The following JMJD1C variants were observed in gnomAD, a reference collection of about 807,000 sequenced individuals.
JMJD1C encodes jumonji domain containing 1C, also known as jumonji domain-containing protein 1C.
A neutral mutation model predicts 245.3 loss-of-function variants in JMJD1C; 31 were observed. The observed-to-expected ratio is 0.13, with a 90% CI of 0.09 to 0.17. The LOEUF (loss-of-function observed/expected upper bound fraction) is 0.17. Among genes scored for constraint, JMJD1C ranks in the 10% least tolerant of loss-of-function variants. The pLI is 1.00. For missense variants in JMJD1C, 2,691 were observed against 3,000.2 expected, an observed-to-expected ratio of 0.90 and a Z score of 2.41; for synonymous variants, 1,057 against 1,017.4, an observed-to-expected ratio of 1.04 and a Z score of -0.74.
chr10:63,222,228 T>G (rs1032300179), intron 3 of JMJD1C: 6 of 777,056 alleles, frequency 7.7e-6, no homozygotes, highest in South Asian at 1.3e-5. Flanking sequence ...TATAGGGGGG[T>G]TCAAAAGCAT....
intron 3 of JMJD1C, among the ~76,000 whole-genome samples, chr10:63,237,594 T>C (rs148514451): frequency 1.1e-3 from 173 of 152,276 alleles, no homozygotes; most frequent in African/African-American, 4.1e-3. Flanking sequence ...CCTATTTGAG[T>C]CCATCCACTT....
chr10:63,363,052 C>A (rs1945525420), intron 2 of JMJD1C, among the ~76,000 whole-genome samples: 1 of 151,894 alleles, frequency 6.6e-6, no homozygotes, highest in Non-Finnish European at 1.5e-5. Flanking sequence ...ATAAATGGGG[C>A]TGAAAGAACC....
At chr10:63,460,840 G>A (rs1433097944) in intron 1 of JMJD1C, among the ~76,000 whole-genome samples, 2 of 151,892 alleles carry the variant, frequency 1.3e-5, no homozygotes, top group Non-Finnish European at 2.9e-5. Context: ...AAGACGATAA[G>A]GTTTCACATG....
At chr10:63,171,774 G>A (rs1842393074) in intron 24 of JMJD1C, among the ~76,000 whole-genome samples, 1 of 152,162 alleles carries the variant, frequency 6.6e-6, no homozygotes, top group South Asian at 2.1e-4. Context: ...ATGCTGAAGT[G>A]TCAGAATACT....
At chr10:63,168,998 G>T (rs1217908771) in intron 24 of JMJD1C, among the ~76,000 whole-genome samples, 1 of 152,124 alleles carries the variant, frequency 6.6e-6, no homozygotes, top group Non-Finnish European at 1.5e-5. Context: ...TCTTACATCA[G>T]AGAATAAAGA....
At chr10:63,323,445 A>T (rs950387586) in intron 2 of JMJD1C, among the ~76,000 whole-genome samples, 1 of 151,948 alleles carries the variant, frequency 6.6e-6, no homozygotes, top group African/African-American at 2.4e-5. Flanking sequence ...ACTTGAACCC[A>T]GGAGGCTGAG....
intron 1 of JMJD1C, chr10:63,427,853 A>T (rs891157422): frequency 2.2e-6 from 2 of 929,740 alleles, no homozygotes; most frequent in Middle Eastern, 2.1e-4. Context: ...AAGGAAGCCA[A>T]GGAGCAGGCA....
intron 22 of JMJD1C, among the ~76,000 whole-genome samples, chr10:63,179,207 C>T (rs1843181528): frequency 6.6e-6 from 1 of 151,522 alleles, no homozygotes; most frequent in Non-Finnish European, 1.5e-5. Context: ...GTCAGGAGTT[C>T]GAGACTAGCC....
rs550348958 is a variant in JMJD1C at position 63,378,487 on chromosome 10, G to A, written c.333+1831C>T. On this transcript the variant is annotated intron_variant, in intron 2 of 25. Coordinates refer to ENST00000399262, the MANE Select transcript of JMJD1C (RefSeq NM_032776.3). The stretch of plus-strand genomic sequence containing the variant: ...GGCGCCTGTAGTCCCAGCTACTCCG[G>A]AGGCTGAGGCAGGAGAACTGCGTGA... Among the ~76,000 whole-genome samples, 7 of 152,198 alleles carry A rather than the reference G, an allele frequency of 4.6e-5. No homozygotes were observed. In the South Asian group the frequency reaches 1.5e-3, roughly 32 times the overall value.
At chr10:63,293,934 C>T (rs555710047) in intron 2 of JMJD1C, among the ~76,000 whole-genome samples, 1 of 152,292 alleles carries the variant, frequency 6.6e-6, no homozygotes, top group African/African-American at 2.4e-5. Flanking sequence ...ACTGTCACAT[C>T]TAGGTCCTTT....
chr10:63,352,910 A>G (rs1340332149), intron 2 of JMJD1C, among the ~76,000 whole-genome samples: 1 of 152,098 alleles, frequency 6.6e-6, no homozygotes, highest in Non-Finnish European at 1.5e-5. Flanking sequence ...ATTTGGTAAA[A>G]GTAGGCTGGT....
chr10:63,244,429 A>G (rs1851905438), intron 3 of JMJD1C, among the ~76,000 whole-genome samples: 1 of 152,176 alleles, frequency 6.6e-6, no homozygotes, highest in African/African-American at 2.4e-5. Flanking sequence ...AGTCTAAGCA[A>G]AAATATCTAA....
intron 2 of JMJD1C, among the ~76,000 whole-genome samples, chr10:63,278,840 CAAAA>C (rs113538798): frequency 3.6e-5 from 3 of 83,770 alleles, no homozygotes; most frequent in African/African-American, 3.3e-5. Flanking sequence ...ACTCCCATCT[CAAAA>C]AAAAAAAAAA....
At chr10:63,289,586 TGA>T (rs1436152022) in intron 2 of JMJD1C, among the ~76,000 whole-genome samples, 1 of 152,212 alleles carries the variant, frequency 6.6e-6, no homozygotes, top group Non-Finnish European at 1.5e-5. Context: ...AAGCTCTACT[TGA>T]TTGTTTGCAT....
At chr10:63,460,149 T>A (rs1438633181) in intron 1 of JMJD1C, among the ~76,000 whole-genome samples, 1 of 152,014 alleles carries the variant, frequency 6.6e-6, no homozygotes, top group African/African-American at 2.4e-5. Flanking sequence ...CACAATTGGA[T>A]AAAAGATAGA....
chr10:63,349,933 G>A (rs1224735430), intron 2 of JMJD1C, among the ~76,000 whole-genome samples: 1 of 152,042 alleles, frequency 6.6e-6, no homozygotes, highest in Non-Finnish European at 1.5e-5. Flanking sequence ...AAACTTTAGG[G>A]TTTTTAAAAA....
chr10:63,232,932 T>C (rs1850196089), intron 3 of JMJD1C, among the ~76,000 whole-genome samples: 1 of 152,192 alleles, frequency 6.6e-6, no homozygotes, highest in Non-Finnish European at 1.5e-5. Context: ...AAATTTTTCC[T>C]CTGTTCAAAT....
At chr10:63,458,833 C>T (rs1359115089) in intron 1 of JMJD1C, among the ~76,000 whole-genome samples, 3 of 151,864 alleles carry the variant, frequency 2.0e-5, no homozygotes, top group Non-Finnish European at 4.4e-5. Context: ...AAGCCATCCT[C>T]CCACCTCAGT....
chr10:63,454,203 A>G (rs549075864), intron 1 of JMJD1C, among the ~76,000 whole-genome samples: 21 of 152,284 alleles, frequency 1.4e-4, no homozygotes, highest in Admixed American at 7.2e-4. Flanking sequence ...GATATTAACC[A>G]TATGTGTCAA....
Sources: gnomAD v4.1 joint callset for allele counts (sites outside exome capture counted in the v4.1 genomes callset) on GRCh38, gnomAD v4.1.1 for gene constraint, MANE v1.5 for transcripts, NCBI Gene and HGNC (gene_info 2026-07-23, HGNC 2026-07-21) for gene names.